The following KLHL1 variants were observed in gnomAD, a reference collection of about 807,000 sequenced individuals.
The protein encoded by KLHL1 is kelch-like protein 1.
In KLHL1, 47 loss-of-function variants were observed where a neutral mutation model predicts 77.7. The ratio of observed to expected loss-of-function variants is 0.60; its 90% CI spans 0.48 to 0.77. KLHL1 has a LOEUF of 0.77. Ranked by LOEUF, KLHL1 falls within the 30% of genes least tolerant of loss-of-function variation. The pLI is 0.00. For missense variants in KLHL1, 925 were observed against 910.8 expected (o/e 1.02, Z -0.20); for synonymous variants, 360 against 325.2 (o/e 1.11, Z -1.15).
At chr13:69,895,030 TC>T in intron 4 of KLHL1, 1 of 508,452 alleles carries the variant, frequency 2.0e-6, no homozygotes, top group Admixed American at 2.1e-5. Flanking sequence ...AATGATCTCT[TC>T]CAAGGTTCCT....
chr13:70,092,758 T>C (rs943373674), intron 1 of KLHL1, among the ~76,000 whole-genome samples: 4 of 152,144 alleles, frequency 2.6e-5, no homozygotes, highest in African/African-American at 9.6e-5. Context: ...AGGAGTGTGA[T>C]TGTGAAACAT....
chr13:70,053,241 C>A (rs1425630378), intron 1 of KLHL1, among the ~76,000 whole-genome samples: 1 of 151,980 alleles, frequency 6.6e-6, no homozygotes, highest in Non-Finnish European at 1.5e-5. Context: ...AATTCTTTAA[C>A]AGCAAGACTT....
chr13:70,005,995 T>C (rs1041169645), intron 1 of KLHL1, among the ~76,000 whole-genome samples: 3 of 152,032 alleles, frequency 2.0e-5, no homozygotes, highest in Non-Finnish European at 4.4e-5. Flanking sequence ...TACTTCTATT[T>C]AGCAACGATG....
At chr13:70,010,257 TATAGA>T (rs1007559260) in intron 1 of KLHL1, among the ~76,000 whole-genome samples, 1 of 152,108 alleles carries the variant, frequency 6.6e-6, no homozygotes, top group Non-Finnish European at 1.5e-5. Context: ...TAGTGTTATG[TATAGA>T]ATAGATTATT....
chr13:70,095,941 C>A (rs1402852375), intron 1 of KLHL1, among the ~76,000 whole-genome samples: 1 of 151,722 alleles, frequency 6.6e-6, no homozygotes, highest in Non-Finnish European at 1.5e-5. Context: ...TGAGAACAAA[C>A]AATATTTGTC....
intron 3 of KLHL1, among the ~76,000 whole-genome samples, chr13:69,956,705 G>C (rs117827946): frequency 0.012 from 1,775 of 151,532 alleles, 21 homozygotes; most frequent in Non-Finnish European, 0.014. Context: ...TTACCTCATT[G>C]ATTGGGCAGC....
intron 5 of KLHL1, among the ~76,000 whole-genome samples, chr13:69,842,612 A>G (rs74806473): frequency 0.081 from 12,281 of 151,932 alleles, 937 homozygotes; most frequent in African/African-American, 0.2. Flanking sequence ...TAAAGCCACT[A>G]TGGAAAACAA....
At chr13:69,845,298 T>C (rs1180062527) in intron 5 of KLHL1, among the ~76,000 whole-genome samples, 1 of 151,650 alleles carries the variant, frequency 6.6e-6, no homozygotes, top group Non-Finnish European at 1.5e-5. Flanking sequence ...TGTTGTCTTA[T>C]AGGAATTCAA....
At chr13:69,932,776 T>A (rs940812102) in intron 4 of KLHL1, among the ~76,000 whole-genome samples, 2 of 151,878 alleles carry the variant, frequency 1.3e-5, no homozygotes, top group Non-Finnish European at 2.9e-5. Flanking sequence ...AAAACAAAAA[T>A]ATGCAAATAA....
At chr13:69,961,271 A>G in intron 3 of KLHL1, 37 bp downstream of exon 3, 1 of 1,572,242 alleles carries the variant, frequency 6.4e-7, no homozygotes. Context: ...TAAAATTTAT[A>G]AGACATCAGA....
At chr13:69,764,212 A>T (rs1566225837) in intron 7 of KLHL1, among the ~76,000 whole-genome samples, 1 of 152,236 alleles carries the variant, frequency 6.6e-6, no homozygotes, top group Non-Finnish European at 1.5e-5. Flanking sequence ...AGCCAATCAC[A>T]GGTGATCAAC....
At chr13:69,764,380 C>T (rs1875167176) in intron 7 of KLHL1, among the ~76,000 whole-genome samples, 1 of 152,112 alleles carries the variant, frequency 6.6e-6, no homozygotes, top group Non-Finnish European at 1.5e-5. Context: ...TGCTCTGAAT[C>T]TATTCTGGTT....
At chr13:70,097,912 G>C (rs1424317842) in intron 1 of KLHL1, among the ~76,000 whole-genome samples, 7 of 150,878 alleles carry the variant, frequency 4.6e-5, no homozygotes, top group Non-Finnish European at 8.9e-5. Flanking sequence ...ATTTTAATAG[G>C]CTAGGTATCA....
chr13:70,027,426 CCTTT>C (rs1251095161), intron 1 of KLHL1, among the ~76,000 whole-genome samples: 1 of 151,902 alleles, frequency 6.6e-6, no homozygotes, highest in African/African-American at 2.4e-5. Flanking sequence ...ACACAGCTTA[CCTTT>C]CTTCCAGGTA....
intron 3 of KLHL1, among the ~76,000 whole-genome samples, chr13:69,951,778 C>G (rs1176558915): frequency 6.6e-6 from 1 of 151,404 alleles, no homozygotes; most frequent in Non-Finnish European, 1.5e-5. Context: ...AAGATCACCA[C>G]TTTTATTTTC....
chr13:69,890,786 T>C (rs1479070197), intron 4 of KLHL1, among the ~76,000 whole-genome samples: 1 of 152,046 alleles, frequency 6.6e-6, no homozygotes, highest in Non-Finnish European at 1.5e-5. Flanking sequence ...GTTGAAACTA[T>C]ATATGTCTGT....
At chr13:69,939,356 T>TACATAC (rs1566424682) in intron 4 of KLHL1, among the ~76,000 whole-genome samples, 1 of 78,506 alleles carries the variant, frequency 1.3e-5, no homozygotes, top group Non-Finnish European at 2.7e-5. Context: ...TATATATATA[T>TACATAC]ATATATATAT....
chr13:69,747,525 G>T (rs926639287), intron 7 of KLHL1, among the ~76,000 whole-genome samples: 31 of 151,960 alleles, frequency 2.0e-4, no homozygotes, highest in African/African-American at 7.0e-4. Flanking sequence ...CAGTCACTCA[G>T]TTTTTGCAAA....
chr13:69,820,509 T>A (rs2138076983), intron 6 of KLHL1, among the ~76,000 whole-genome samples: 1 of 152,092 alleles, frequency 6.6e-6, no homozygotes, highest in South Asian at 2.1e-4. Context: ...TACAAAAAAA[T>A]AAAAAGGATA....
Sources: gnomAD v4.1 joint callset for allele counts (sites outside exome capture counted in the v4.1 genomes callset) on GRCh38, gnomAD v4.1.1 for gene constraint, MANE v1.5 for transcripts, NCBI Gene and HGNC (gene_info 2026-07-23, HGNC 2026-07-21) for gene names.